The following ATG4B variants were observed in gnomAD, a reference collection of about 807,000 sequenced individuals.
The protein encoded by ATG4B is cysteine protease ATG4B.
A neutral mutation model predicts 56.6 loss-of-function variants in ATG4B; 29 were observed. That is an observed-to-expected ratio of 0.51 (90% confidence interval 0.38 to 0.70). The LOEUF is 0.70. Among genes scored for constraint, ATG4B ranks in the 30% least tolerant of loss-of-function variants. ATG4B has a pLI of 0.00. For missense variants in ATG4B, 461 were observed against 515.5 expected, an observed-to-expected ratio of 0.89 and a Z score of 1.02; for synonymous variants, 224 against 206.1, an observed-to-expected ratio of 1.09 and a Z score of -0.74.
chr2:241,667,511 G>A (rs2068816621), intron 8 of ATG4B, among the ~76,000 whole-genome samples: 1 of 151,638 alleles, frequency 6.6e-6, no homozygotes, highest in South Asian at 2.1e-4. Flanking sequence ...GGCTGAGGCA[G>A]GAGAATCTCT....
At chr2:241,645,932 C>G (rs2068047936) in intron 1 of ATG4B, among the ~76,000 whole-genome samples, 1 of 152,184 alleles carries the variant, frequency 6.6e-6, no homozygotes, top group Admixed American at 6.5e-5. Context: ...CCTTAGGGAC[C>G]TCATGGGTCA....
chr2:241,652,117 A>AG (rs1483886013), intron 3 of ATG4B: 1 of 412,638 alleles, frequency 2.4e-6, no homozygotes, highest in African/African-American at 2.1e-5. Context: ...ACTGACGCGT[A>AG]GGGACATACG....
chr2:241,672,157 A>G (rs567902317), intron 12 of ATG4B, 34 bp from the exon 13 acceptor site: 1 of 1,556,592 alleles, frequency 6.4e-7, no homozygotes, highest in African/African-American at 1.4e-5. Flanking sequence ...GGCCCACCCA[A>G]GATGCCTGAT....
chr2:241,651,983 C>T lies in ATG4B; in HGVS notation c.184+648C>T, dbSNP rs1317495888. On this transcript the variant is annotated intron_variant, in intron 3 of 12. Coordinates refer to ENST00000404914, the MANE Select transcript of ATG4B (RefSeq NM_013325.5). This position sits in a 1 kb window ranked among gnomAD's most constrained non-coding sequence, Gnocchi z 4.1. ...GAGAACTGAGGCCGGAGGTGAGGGC[C>T]GGGCTGGCGTCATGCTTCCTCAGTG... 3.8e-6 allele frequency: 5 copies of T among 1,303,684 alleles called. No individual in the cohort carries two copies. Among genetic ancestry groups the T allele is most frequent in the East Asian group, 5.5e-5 (1 of 18,028 alleles). The allele number at this position is 1,303,684 out of a possible 1,614,324, so 80.8% of individuals were successfully genotyped here.
Position 241,672,389 on chromosome 2 carries a change from C to G in ATG4B, c.*125C>G. 1.2e-6 allele frequency: 1 copy of G among 862,746 alleles called. No homozygotes were observed. The highest frequency in any genetic ancestry group is 1.6e-5 in the South Asian group (1 of 61,968). 53.4% of individuals were successfully genotyped at this position (862,746 alleles called of 1,614,324 possible). On this transcript the variant is annotated 3_prime_UTR_variant, in exon 13 of 13. Coordinates refer to ENST00000404914, the MANE Select transcript of ATG4B (RefSeq NM_013325.5). ...GTGCTGCCTCCCCCCAGAGGGCCAC[C>G]CGCTGTGCTCGTGGACTGAGGCTGC... is the stretch of plus-strand genomic sequence containing the variant.
intron 11 of ATG4B, 140 bp from the exon 12 acceptor site, chr2:241,671,172 A>T: frequency 1.3e-6 from 1 of 743,932 alleles, no homozygotes; most frequent in Non-Finnish European, 2.3e-6. Context: ...TGTAGCCTTT[A>T]GTGTGGAGCT....
At chr2:241,655,410 TTGA>T in intron 6 of ATG4B, 67 bp downstream of exon 6, 2 of 1,487,812 alleles carry the variant, frequency 1.3e-6, no homozygotes, top group Non-Finnish European at 1.8e-6. Flanking sequence ...TAAATTCTCC[TTGA>T]GTCTTCATGG....
intron 1 of ATG4B, among the ~76,000 whole-genome samples, chr2:241,644,614 A>G (rs957306928): frequency 6.6e-6 from 1 of 152,154 alleles, no homozygotes; most frequent in African/African-American, 2.4e-5. Flanking sequence ...GCCTGTAGCT[A>G]TCGAGCAGGC....
At position 241,651,965 on chromosome 2, in the gene ATG4B, G is replaced by A. The variant is rs1575067601; in HGVS notation, c.184+630G>A. On this transcript the variant is annotated intron_variant, in intron 3 of 12. Transcript: ENST00000404914. The surrounding 1 kb of genome is among the most constrained non-coding windows in gnomAD (Gnocchi z 4.1). The stretch of plus-strand genomic sequence containing the variant: ...CCTTGCCTCTCACCGGCGGAGAACT[G>A]AGGCCGGAGGTGAGGGCCGGGCTGG... 7.7e-7 allele frequency: 1 copy of A among 1,304,066 alleles called. No homozygotes were observed. The highest frequency in any genetic ancestry group is 5.5e-5 in the East Asian group (1 of 18,026). The allele number at this position is 1,304,066 out of a possible 1,614,324, so 80.8% of individuals were successfully genotyped here.
rs191684313 is a variant in ATG4B at position 241,660,968 on chromosome 2, C to T, written c.538+1781C>T. Among the ~76,000 whole-genome samples, 34 of 152,314 alleles carry T rather than the reference C, an allele frequency of 2.2e-4. No individual in the cohort carries two copies. In the East Asian group the frequency reaches 6.0e-3, roughly 27 times the overall value. Reference sequence around the variant, plus strand: ...AAGGGTCAGGGCTTCCTAGAACCTCCGTCCCTCTGGGTGCAGGTAGCACTG... The same window carrying T: ...AAGGGTCAGGGCTTCCTAGAACCTCTGTCCCTCTGGGTGCAGGTAGCACTG... On this transcript the variant is annotated intron_variant, in intron 7 of 12. Coordinates refer to ENST00000404914, the MANE Select transcript of ATG4B (RefSeq NM_013325.5).
intron 12 of ATG4B, chr2:241,671,677 G>C: frequency 1.4e-6 from 2 of 1,393,042 alleles, no homozygotes; most frequent in Non-Finnish European, 9.4e-7. Context: ...AGTCCTCAGG[G>C]GTCTGGAGCA....
Position 241,651,527 on chromosome 2 carries a change from G to A in ATG4B, c.184+192G>A, listed in dbSNP as rs2068230930. ...TAGAATCCACGGCGCCTGACTCTAGGCTAGTGTGTTTTCAACTGCAAATCC... is the reference window on the plus strand; with the variant it reads ...TAGAATCCACGGCGCCTGACTCTAGACTAGTGTGTTTTCAACTGCAAATCC... On this transcript the variant is annotated intron_variant, in intron 3 of 12. Transcript: ENST00000404914. This position sits in a 1 kb window ranked among gnomAD's most constrained non-coding sequence, Gnocchi z 4.1. 2.0e-5 allele frequency among the ~76,000 whole-genome samples: 3 copies of A among 152,212 alleles called. No individual in the cohort carries two copies. The highest frequency in any genetic ancestry group is 2.0e-4 in the Admixed American group (3 of 15,276).
intron 7 of ATG4B, among the ~76,000 whole-genome samples, chr2:241,665,781 C>T (rs1464164492): frequency 1.3e-5 from 2 of 152,236 alleles, no homozygotes; most frequent in Non-Finnish European, 2.9e-5. Context: ...GTTTTTCTAG[C>T]CTGTCCTTTC....
At chr2:241,643,715 G>A (rs1330119792) in intron 1 of ATG4B, among the ~76,000 whole-genome samples, 1 of 138,442 alleles carries the variant, frequency 7.2e-6, no homozygotes, top group Non-Finnish European at 1.5e-5. Flanking sequence ...CGTCGTCCAG[G>A]CTGGAGTGCA....
At chr2:241,671,228 T>TGGCTGTGGCC in intron 11 of ATG4B, 84 bp from the exon 12 acceptor site, 2 of 1,234,548 alleles carry the variant, frequency 1.6e-6, no homozygotes, top group South Asian at 2.7e-5. Context: ...GTTTGTCCGC[T>TGGCTGTGGCC]GGCTGTGGCC....
At chr2:241,643,680 G>GTGTATA (rs757565788) in intron 1 of ATG4B, among the ~76,000 whole-genome samples, 3 of 128,968 alleles carry the variant, frequency 2.3e-5, no homozygotes, top group Admixed American at 7.9e-5. Flanking sequence ...GTGTGTGTGT[G>GTGTATA]TATGTATATA....
At chr2:241,666,881 T>C in intron 8 of ATG4B, 43 bp downstream of exon 8, 1 of 1,522,898 alleles carries the variant, frequency 6.6e-7, no homozygotes, top group Non-Finnish European at 8.8e-7. Flanking sequence ...CCCCGTCCCC[T>C]TCTCCCAGTT....
At chr2:241,638,548 C>T (rs2125106928) in intron 1 of ATG4B, among the ~76,000 whole-genome samples, 1 of 152,280 alleles carries the variant, frequency 6.6e-6, no homozygotes, top group South Asian at 2.1e-4. Flanking sequence ...AACTGATTTG[C>T]CTTTTACCAA....
intron 7 of ATG4B, among the ~76,000 whole-genome samples, chr2:241,665,684 T>C (rs968505355): frequency 1.3e-5 from 2 of 152,210 alleles, no homozygotes; most frequent in Non-Finnish European, 2.9e-5. Flanking sequence ...GGAGATGGTG[T>C]CTTTTTTCCT....
Sources: gnomAD v4.1 joint callset for allele counts (sites outside exome capture counted in the v4.1 genomes callset) on GRCh38, gnomAD v4.1.1 for gene constraint, Gnocchi (gnomAD v3.1) non-coding constraint, MANE v1.5 for transcripts, NCBI Gene and HGNC (gene_info 2026-07-23, HGNC 2026-07-21) for gene names.